COL5A1: variants seen among roughly 807,000 people sequenced by gnomAD.
COL5A1 encodes collagen alpha-1(V) chain.
Under a neutral mutation model 263.7 loss-of-function variants are expected in COL5A1, and 16 were observed. The ratio of observed to expected loss-of-function variants is 0.06; its 90% CI spans 0.04 to 0.09. The LOEUF (loss-of-function observed/expected upper bound fraction) is 0.09, where lower values mean the gene tolerates loss of function less well. Among genes scored for constraint, COL5A1 ranks in the 10% least tolerant of loss-of-function variants. COL5A1 has a pLI of 1.00. For missense variants in COL5A1, 2,036 were observed against 2,540.5 expected (o/e 0.80, Z 4.27); for synonymous variants, 1,012 against 1,004.5 (o/e 1.01, Z -0.14).
intron 32 of COL5A1, among the ~76,000 whole-genome samples, chr9:134,791,667 G>A (rs115085121): frequency 0.011 from 1,650 of 152,052 alleles, 28 homozygotes; most frequent in African/African-American, 0.037. Flanking sequence ...GAAGCCTCTG[G>A]GCGCTGGCTT....
chr9:134,712,575 C>T, intron 4 of COL5A1, among the ~76,000 whole-genome samples: 1 of 46,758 alleles, frequency 2.1e-5, no homozygotes, highest in Non-Finnish European at 4.2e-5. Context: ...TTCTGTCCCC[C>T]CTCCTTTCTG....
intron 11 of COL5A1, among the ~76,000 whole-genome samples, chr9:134,744,207 C>T (rs1161011406): frequency 2.0e-5 from 3 of 152,200 alleles, no homozygotes; most frequent in Non-Finnish European, 2.9e-5. Flanking sequence ...CCAGTCTCTC[C>T]TTGTCTTTAG....
At chr9:134,780,869 C>T (rs1472557360) in intron 28 of COL5A1, among the ~76,000 whole-genome samples, 2 of 152,008 alleles carry the variant, frequency 1.3e-5, no homozygotes, top group Admixed American at 1.3e-4. Context: ...GGGGCGGCCT[C>T]ACCGTGCCAC....
chr9:134,823,497 G>A (rs185067127), intron 61 of COL5A1, 28 bp downstream of exon 61: 163 of 1,612,838 alleles, frequency 1.0e-4, no homozygotes, highest in African/African-American at 3.2e-4. Flanking sequence ...CCCAGAAAGC[G>A]GGACGGGGGC....
At position 134,802,950 on chromosome 9, in the gene COL5A1, C is replaced by CG. The variant is rs1838166868; in HGVS notation, c.3071dup (p.Glu1025Ter). On this transcript the variant is annotated frameshift_variant, in exon 39 of 66. Coordinates refer to ENST00000371817, the MANE Select transcript of COL5A1 (RefSeq NM_000093.5). LOFTEE classifies it high-confidence loss of function. The stretch of plus-strand genomic sequence containing the variant: ...GCCACCCTGGGCCCCCTGGACCCCC[C>CG]GGTGAACAGGGGCTTCCGGGCCTTG... 6.2e-7 allele frequency: 1 copy of CG among 1,610,866 alleles called. No individual in the cohort carries two copies. Among genetic ancestry groups the CG allele is most frequent in the Non-Finnish European group, 8.5e-7 (1 of 1,179,130 alleles).
chr9:134,705,099 A>G (rs1291875218), intron 4 of COL5A1, among the ~76,000 whole-genome samples: 1 of 152,226 alleles, frequency 6.6e-6, no homozygotes, highest in East Asian at 1.9e-4. Flanking sequence ...GTTTAGAGTT[A>G]TACTGAACAA....
chr9:134,760,402 A>C (rs1429714241), intron 18 of COL5A1, among the ~76,000 whole-genome samples: 1 of 66,100 alleles, frequency 1.5e-5, no homozygotes, highest in Admixed American at 2.2e-4. Flanking sequence ...CCACACCCCC[A>C]CACTCATACA....
chr9:134,803,843 A>T (rs1838198629), intron 39 of COL5A1, among the ~76,000 whole-genome samples: 1 of 150,540 alleles, frequency 6.6e-6, no homozygotes, highest in Admixed American at 6.6e-5. Flanking sequence ...ACTCCATCTC[A>T]AAAAAAAGAA....
chr9:134,839,290 A>G (rs1839946206), intron 65 of COL5A1, among the ~76,000 whole-genome samples: 1 of 152,162 alleles, frequency 6.6e-6, no homozygotes. Flanking sequence ...TCTGGCCTGT[A>G]ATGGTTATTT....
Position 134,818,780 on chromosome 9 carries a change from G to A in COL5A1, c.4338+17G>A, listed in dbSNP as rs757479270. On this transcript the variant is annotated intron_variant, in intron 55 of 65. Coordinates refer to ENST00000371817, the MANE Select transcript of COL5A1 (RefSeq NM_000093.5). The surrounding 1 kb of genome is among the most constrained non-coding windows in gnomAD (Gnocchi z 6.0). ...GGCCCTGTGGTGAGTAGGCTGTGAG[G>A]GGCAGAGGGGTTGCCGAGTGGAGGG... The A allele has an allele frequency of 1.2e-6, 2 of 1,612,438 alleles. No homozygotes were observed. The highest frequency in any genetic ancestry group is 1.7e-6 in the Non-Finnish European group (2 of 1,179,446).
At chr9:134,763,889 A>G in intron 20 of COL5A1, 152 bp downstream of exon 20, 1 of 781,334 alleles carries the variant, frequency 1.3e-6, no homozygotes. Context: ...TCTCCCAGGG[A>G]AGCCAAAGAG....
chr9:134,836,740 C>T (rs778565964), intron 65 of COL5A1, among the ~76,000 whole-genome samples: 10 of 152,248 alleles, frequency 6.6e-5, no homozygotes, highest in African/African-American at 1.9e-4. Flanking sequence ...CGCTCAGCTC[C>T]TTTTCTCTGC....
At chr9:134,788,673 ATGGATAGACAGATAGG>A (rs1837560149) in intron 31 of COL5A1, among the ~76,000 whole-genome samples, 3 of 148,316 alleles carry the variant, frequency 2.0e-5, no homozygotes, top group Non-Finnish European at 4.4e-5. Context: ...AGACAGATAG[ATGGATAGACAGATAGG>A]TGGGCCAGTG....
intron 1 of COL5A1, among the ~76,000 whole-genome samples, chr9:134,655,876 TCCTTGAATGTCCTGGCAC>T (rs752099367): frequency 1.6e-4 from 24 of 152,144 alleles, no homozygotes; most frequent in Non-Finnish European, 3.4e-4. Flanking sequence ...TGTCCTGCCC[TCCTTGAATGTCCTGGCAC>T]AGAGGGCTGG....
intron 62 of COL5A1, among the ~76,000 whole-genome samples, chr9:134,825,300 G>A (rs9308278): frequency 0.71 from 107,507 of 152,088 alleles, 38,015 homozygotes; most frequent in South Asian, 0.81. Context: ...TTCAAACTCC[G>A]CGATACTGTA....
Position 134,802,665 on chromosome 9 carries a change from G to A in COL5A1, c.3007-223G>A, listed in dbSNP as rs147240998. Among the ~76,000 whole-genome samples, 829 of 152,324 alleles carry A rather than the reference G, an allele frequency of 5.4e-3. 8 individuals carry two copies. The highest frequency in any genetic ancestry group is 0.018 in the African/African-American group (765 of 41,574). On this transcript the variant is annotated intron_variant, in intron 38 of 65. Coordinates refer to ENST00000371817, the MANE Select transcript of COL5A1 (RefSeq NM_000093.5). ...TGAAGGCGCCAGGTGGGGGAAGAGG[G>A]CCACGCGGGGCCCAGCAGATGCCAG...
intron 48 of COL5A1, among the ~76,000 whole-genome samples, 180 bp downstream of exon 48, chr9:134,812,892 C>T (rs1564476372): frequency 6.8e-6 from 1 of 146,390 alleles, no homozygotes; most frequent in South Asian, 2.2e-4. Context: ...TTTCTGTGGG[C>T]ATGGCTGGTT....
At chr9:134,731,773 G>A in intron 8 of COL5A1, 110 bp downstream of exon 8, 1 of 1,224,920 alleles carries the variant, frequency 8.2e-7, no homozygotes, top group East Asian at 2.4e-5. Context: ...GGCAGCTCAA[G>A]TGTTACACCC....
intron 25 of COL5A1, among the ~76,000 whole-genome samples, chr9:134,769,390 G>A (rs550353476): frequency 1.4e-3 from 218 of 152,298 alleles, no homozygotes; most frequent in Non-Finnish European, 2.8e-3. Flanking sequence ...TGGCCACATG[G>A]GAGTTTGCAT....
Sources: allele counts gnomAD v4.1 joint callset (sites outside exome capture counted in the v4.1 genomes callset), GRCh38; gene constraint gnomAD v4.1.1; non-coding constraint Gnocchi (gnomAD v3.1); transcripts MANE v1.5; gene names NCBI Gene and HGNC (gene_info 2026-07-23, HGNC 2026-07-21).